The following SWAP70 variants were observed in gnomAD, a reference collection of about 807,000 sequenced individuals.
The protein encoded by SWAP70 is switching B cell complex subunit SWAP70.
A neutral mutation model predicts 80.2 loss-of-function variants in SWAP70; 34 were observed. That is an observed-to-expected ratio of 0.42 (90% confidence interval 0.32 to 0.56). The LOEUF is 0.56. SWAP70 is among the 20% of genes least tolerant of loss of function. The pLI is 0.09. For synonymous variants in SWAP70, 239 were observed against 238.5 expected (o/e 1.00, Z -0.02); for missense variants, 578 against 690.7 (o/e 0.84, Z 1.83).
intron 2 of SWAP70, among the ~76,000 whole-genome samples, chr11:9,707,484 A>G (rs1394254170): frequency 1.3e-5 from 2 of 151,664 alleles, no homozygotes; most frequent in Non-Finnish European, 2.9e-5. Context: ...GTCACCTATG[A>G]GAGCATTTCC....
intron 1 of SWAP70, among the ~76,000 whole-genome samples, chr11:9,671,088 A>AAT (rs1253828818): frequency 4.2e-5 from 6 of 141,390 alleles, no homozygotes; most frequent in African/African-American, 1.3e-4. Flanking sequence ...TATAAATATA[A>AAT]ATATATATAA....
intron 6 of SWAP70, among the ~76,000 whole-genome samples, chr11:9,732,239 C>T (rs1053182674): frequency 6.6e-6 from 1 of 151,860 alleles, no homozygotes; most frequent in Admixed American, 6.6e-5. Context: ...AGCACAGATA[C>T]AGTTAACAGA....
chr11:9,672,195 C>CTCTATATATA (rs1554982641), intron 1 of SWAP70, among the ~76,000 whole-genome samples: 4 of 78,420 alleles, frequency 5.1e-5, no homozygotes, highest in African/African-American at 9.8e-5. Flanking sequence ...ATGTGTGTGT[C>CTCTATATATA]TATATATATA....
intron 1 of SWAP70, among the ~76,000 whole-genome samples, chr11:9,672,243 C>A (rs535820420): frequency 2.0e-5 from 2 of 98,648 alleles, no homozygotes; most frequent in East Asian, 2.6e-4. Context: ...GTAAAGTAAT[C>A]AGGTTGGTTC....
At chr11:9,714,631 C>T (rs1356985332) in intron 3 of SWAP70, among the ~76,000 whole-genome samples, 1 of 151,898 alleles carries the variant, frequency 6.6e-6, no homozygotes, top group African/African-American at 2.4e-5. Flanking sequence ...GGATTTTGGC[C>T]AATAGTGAAG....
At chr11:9,702,093 C>T (rs1850840409) in intron 2 of SWAP70, among the ~76,000 whole-genome samples, 1 of 152,188 alleles carries the variant, frequency 6.6e-6, no homozygotes, top group Non-Finnish European at 1.5e-5. Flanking sequence ...TGTCTCTCCT[C>T]CAGAGCCTAG....
intron 2 of SWAP70, among the ~76,000 whole-genome samples, chr11:9,699,866 G>GTATA (rs113413903): frequency 0.062 from 8,953 of 143,938 alleles, 288 homozygotes; most frequent in Non-Finnish European, 0.076. Context: ...TGTATAGTGT[G>GTATA]TATATATATA....
At chr11:9,717,659 CA>C (rs3049795) in intron 3 of SWAP70, among the ~76,000 whole-genome samples, 2,204 of 115,696 alleles carry the variant, frequency 0.019, 22 homozygotes, top group South Asian at 0.045. Context: ...GACCTTGTCT[CA>C]AAAAAAAAAA....
At chr11:9,666,037 T>C (rs76671885) in intron 1 of SWAP70, among the ~76,000 whole-genome samples, 10 of 151,556 alleles carry the variant, frequency 6.6e-5, no homozygotes, top group African/African-American at 1.2e-4. Context: ...TTTTTTTTTT[T>C]CCTCTCTTTT....
At chr11:9,725,391 A>G (rs981799529) in intron 4 of SWAP70, among the ~76,000 whole-genome samples, 8 of 149,278 alleles carry the variant, frequency 5.4e-5, no homozygotes, top group Non-Finnish European at 1.2e-4. Context: ...TAAAATATAT[A>G]TATATATTTT....
Position 9,694,216 on chromosome 11 carries a change from G to T in SWAP70, c.170G>T (p.Arg57Met). 1 of 1,613,280 alleles carries T rather than the reference G, an allele frequency of 6.2e-7. No individual in the cohort carries two copies. The highest frequency in any genetic ancestry group is 8.5e-7 in the Non-Finnish European group (1 of 1,179,638). The change falls in exon 2 of 12, where the codon AGG becomes ATG. Residue 57 changes from arginine to methionine, a missense_variant. Transcript: ENST00000318950. Reference sequence around the variant, plus strand: ...CCAGTTGCCCTTGAAGAGCACTTCAGGGATGATGATGAGGGTCCAGTGTCC... The same window carrying T: ...CCAGTTGCCCTTGAAGAGCACTTCATGGATGATGATGAGGGTCCAGTGTCC... ...HDPVALEEHF[R>M]DDDEGPVSNQ...
At chr11:9,719,093 C>CAAA (rs3049796) in intron 3 of SWAP70, among the ~76,000 whole-genome samples, 14 of 95,742 alleles carry the variant, frequency 1.5e-4, no homozygotes, top group East Asian at 3.1e-4. Flanking sequence ...GACACTGAAT[C>CAAA]AAAAAAAAAA....
Position 9,738,206 on chromosome 11 carries a change from T to G in SWAP70, c.1081-7T>G. The stretch of plus-strand genomic sequence containing the variant: ...GCTTTTCTGTGGATGGGTTTTTGAT[T>G]GGCTAGAAACTGGAGGAAGCAGCAT... On this transcript the variant is annotated splice_region_variant and splice_polypyrimidine_tract_variant and intron_variant, in intron 7 of 11. Coordinates refer to ENST00000318950, the MANE Select transcript of SWAP70 (RefSeq NM_015055.4). The G allele has an allele frequency of 6.3e-7, 1 of 1,599,618 alleles. No individual in the cohort carries two copies.
intron 2 of SWAP70, among the ~76,000 whole-genome samples, chr11:9,711,052 AT>A (rs1445273044): frequency 9.9e-5 from 15 of 150,784 alleles, no homozygotes; most frequent in Admixed American, 9.9e-4. Context: ...TTATTTATGT[AT>A]TTTTTATTTT....
At chr11:9,723,187 G>C (rs1349628350) in intron 3 of SWAP70, among the ~76,000 whole-genome samples, 1 of 152,202 alleles carries the variant, frequency 6.6e-6, no homozygotes, top group African/African-American at 2.4e-5. Flanking sequence ...TGGAGGTACA[G>C]ATACCAACCA....
intron 1 of SWAP70, among the ~76,000 whole-genome samples, chr11:9,668,559 A>C (rs893910704): frequency 1.3e-5 from 2 of 152,138 alleles, no homozygotes; most frequent in Non-Finnish European, 2.9e-5. Context: ...TTTTTGCCTT[A>C]ATTTGTTGAT....
intron 2 of SWAP70, among the ~76,000 whole-genome samples, chr11:9,698,002 T>G (rs954779725): frequency 6.6e-6 from 1 of 151,814 alleles, no homozygotes; most frequent in Non-Finnish European, 1.5e-5. Flanking sequence ...CCCAGACTGG[T>G]CTTGAACTCC....
chr11:9,706,473 A>G lies in SWAP70; in HGVS notation c.241-6993A>G, dbSNP rs188173190. Among the ~76,000 whole-genome samples the G allele has an allele frequency of 1.6e-4, 24 of 152,336 alleles. No individual in the cohort carries two copies. In the East Asian group the frequency reaches 4.6e-3, roughly 29 times the overall value. ...TTTGTAGGATATATGAAAATTATAA[A>G]GCATAATAAAATGAACATCTGTGAA... is the stretch of plus-strand genomic sequence containing the variant. On this transcript the variant is annotated intron_variant, in intron 2 of 11. Coordinates refer to ENST00000318950, the MANE Select transcript of SWAP70 (RefSeq NM_015055.4).
At chr11:9,675,062 T>C (rs556221685) in intron 1 of SWAP70, among the ~76,000 whole-genome samples, 77 of 151,936 alleles carry the variant, frequency 5.1e-4, no homozygotes, top group Non-Finnish European at 9.1e-4. Context: ...CTTTTGGAGA[T>C]TGAGGCAAAT....
Sources: allele counts gnomAD v4.1 joint callset (sites outside exome capture counted in the v4.1 genomes callset), GRCh38; gene constraint gnomAD v4.1.1; transcripts MANE v1.5; gene names NCBI Gene and HGNC (gene_info 2026-07-23, HGNC 2026-07-21).